CCL28: variants seen among roughly 807,000 people sequenced by gnomAD.
CCL28 encodes C-C motif chemokine 28.
Under a neutral mutation model 7.1 loss-of-function variants are expected in CCL28, and 4 were observed. The observed-to-expected ratio is 0.56, with a 90% confidence interval of 0.28 to 1.29. The LOEUF is 1.29. Ranked by LOEUF, CCL28 falls within the 50% of genes most tolerant of loss-of-function variation. The probability of loss-of-function intolerance (pLI) is 0.11; values close to 1 mark genes in which losing one functional copy is unlikely to be tolerated. For missense variants in CCL28, 151 were observed against 163.4 expected (o/e 0.92, Z 0.41); for synonymous variants, 55 against 57.8 (o/e 0.95, Z 0.22).
chr5:43,357,803 G>A, the CCL28 span, among the ~76,000 whole-genome samples: 31 of 152,108 alleles, frequency 2.0e-4, no homozygotes, highest in Non-Finnish European at 1.0e-4. Flanking sequence ...TAACTGATGT[G>A]ACTGCAAGAC....
chr5:43,362,234 T>C, the CCL28 span, among the ~76,000 whole-genome samples: 2 of 152,128 alleles, frequency 1.3e-5, no homozygotes, highest in Admixed American at 6.6e-5. Flanking sequence ...CCAGGTATTT[T>C]ATTATTTTTG....
At chr5:43,370,726 T>C in the CCL28 span, among the ~76,000 whole-genome samples, 1 of 136,254 alleles carries the variant, frequency 7.3e-6, no homozygotes, top group East Asian at 2.0e-4. Context: ...TTTTCTTCCT[T>C]TATCTCTCTT....
At chr5:43,408,476 C>T (rs1325737896) in intron 1 of CCL28, among the ~76,000 whole-genome samples, 1 of 152,118 alleles carries the variant, frequency 6.6e-6, no homozygotes, top group Non-Finnish European at 1.5e-5. Context: ...ACATCACACA[C>T]CAGGGCCTGT....
At chr5:43,396,167 G>T (rs1368726430) in intron 1 of CCL28, among the ~76,000 whole-genome samples, 6 of 152,140 alleles carry the variant, frequency 3.9e-5, no homozygotes, top group Non-Finnish European at 8.8e-5. Context: ...ACTGCGTCCA[G>T]CCCATGCCTC....
chr5:43,404,108 T>C (rs1209985659), intron 1 of CCL28, among the ~76,000 whole-genome samples: 1 of 152,136 alleles, frequency 6.6e-6, no homozygotes, highest in Admixed American at 6.5e-5. Context: ...CAGGAGAACT[T>C]CCCCAACCTA....
At chr5:43,383,767 G>C (rs1478609285) in intron 2 of CCL28, among the ~76,000 whole-genome samples, 1 of 152,122 alleles carries the variant, frequency 6.6e-6, no homozygotes, top group Non-Finnish European at 1.5e-5. Context: ...TGTGATGTCA[G>C]AAAGAAACTG....
At chr5:43,372,741 T>C (rs896540984), downstream of CCL28, among the ~76,000 whole-genome samples, 2 of 152,138 alleles carry the variant, frequency 1.3e-5, no homozygotes, top group Non-Finnish European at 2.9e-5. Flanking sequence ...ACTTAGGTAG[T>C]TTCCAGTTTG....
the CCL28 span, among the ~76,000 whole-genome samples, chr5:43,369,036 A>AAGAGAG: frequency 9.1e-4 from 95 of 104,510 alleles, 1 homozygote; most frequent in South Asian, 2.9e-3. Context: ...GAAAGAGAGA[A>AAGAGAG]AGAGAGAGAG....
intron 1 of CCL28, among the ~76,000 whole-genome samples, chr5:43,399,563 C>T (rs1050534883): frequency 2.6e-5 from 4 of 152,174 alleles, no homozygotes; most frequent in African/African-American, 4.8e-5. Flanking sequence ...AACTAAGCTC[C>T]GATCTTATCA....
chr5:43,398,559 G>A (rs1419562431), intron 1 of CCL28, among the ~76,000 whole-genome samples: 1 of 152,058 alleles, frequency 6.6e-6, no homozygotes, highest in African/African-American at 2.4e-5. Flanking sequence ...TCTGAATAAT[G>A]AGAAATTACA....
At chr5:43,382,198 A>G in intron 2 of CCL28, 146 bp from the exon 3 acceptor site, 1 of 724,510 alleles carries the variant, frequency 1.4e-6, no homozygotes. Flanking sequence ...TGTAGAAATG[A>G]AGTGAATTCT....
intron 2 of CCL28, among the ~76,000 whole-genome samples, chr5:43,385,288 C>A (rs181174787): frequency 4.6e-5 from 7 of 152,296 alleles, no homozygotes; most frequent in Admixed American, 4.6e-4. Context: ...AAGAAAACTG[C>A]TGTCTCAGGC....
chr5:43,395,338 T>A (rs1174321505), intron 1 of CCL28, among the ~76,000 whole-genome samples: 2 of 152,112 alleles, frequency 1.3e-5, no homozygotes, highest in Non-Finnish European at 2.9e-5. Context: ...GCTCCTTTTT[T>A]AAATTCTTAG....
chr5:43,389,919 C>A (rs748325735), intron 1 of CCL28, among the ~76,000 whole-genome samples: 1 of 152,172 alleles, frequency 6.6e-6, no homozygotes, highest in African/African-American at 2.4e-5. Context: ...CCGAATAGGG[C>A]AACTGTAAAA....
downstream of CCL28, among the ~76,000 whole-genome samples, chr5:43,374,284 C>T (rs1383686949): frequency 6.6e-6 from 1 of 152,106 alleles, no homozygotes; most frequent in Non-Finnish European, 1.5e-5. Context: ...TGCAATATGC[C>T]AGTTAATCAG....
At chr5:43,405,230 T>C (rs1162371526) in intron 1 of CCL28, among the ~76,000 whole-genome samples, 3 of 152,224 alleles carry the variant, frequency 2.0e-5, no homozygotes, top group African/African-American at 7.2e-5. Context: ...ATTGCACTTA[T>C]TCCAAAATAG....
At chr5:43,371,489 G>A in the CCL28 span, among the ~76,000 whole-genome samples, 2 of 152,212 alleles carry the variant, frequency 1.3e-5, no homozygotes, top group African/African-American at 4.8e-5. Flanking sequence ...TCCTTTTGCT[G>A]TCTCTTGGAT....
chr5:43,358,899 C>T, the CCL28 span, among the ~76,000 whole-genome samples: 9 of 152,310 alleles, frequency 5.9e-5, no homozygotes, highest in African/African-American at 2.2e-4. Flanking sequence ...TTGCTTCTAG[C>T]TTCACAGGCT....
the CCL28 span, among the ~76,000 whole-genome samples, chr5:43,360,983 T>G: frequency 6.6e-6 from 1 of 152,128 alleles, no homozygotes; most frequent in African/African-American, 2.4e-5. Flanking sequence ...CTCCCTCCCC[T>G]GGCACCTCCT....
Sources: allele counts gnomAD v4.1 joint callset (sites outside exome capture counted in the v4.1 genomes callset), GRCh38; gene constraint gnomAD v4.1.1; transcripts MANE v1.5; gene names NCBI Gene and HGNC (gene_info 2026-07-23, HGNC 2026-07-21).